CACNA1D: variants seen among roughly 807,000 people sequenced by gnomAD.
The protein encoded by CACNA1D is voltage-dependent L-type calcium channel subunit alpha-1D.
In CACNA1D, 55 loss-of-function variants were observed where a neutral mutation model predicts 257.1. The observed-to-expected ratio is 0.21, with a 90% CI of 0.17 to 0.27. The LOEUF (loss-of-function observed/expected upper bound fraction) is 0.27. Among genes scored for constraint, CACNA1D ranks in the 10% least tolerant of loss-of-function variants. The pLI, the probability that CACNA1D is intolerant of heterozygous loss-of-function variation, is 1.00. For synonymous variants in CACNA1D, 980 were observed against 1,014.9 expected (o/e 0.97, Z 0.65); for missense variants, 1,876 against 2,784.0 (o/e 0.67, Z 7.34).
Position 53,774,273 on chromosome 3 carries a change from C to T in CACNA1D, c.4111-314C>T, listed in dbSNP as rs529546140. ...GCCTTCAGTAGATGAGCCTGTCTCA[C>T]GCTTCCCTGTGTGTCTGGACCACCC... On this transcript the variant is annotated intron_variant, in intron 33 of 47. Coordinates refer to ENST00000350061, the MANE Select transcript of CACNA1D (RefSeq NM_001128840.3). The surrounding 1 kb of genome is among the most constrained non-coding windows in gnomAD (Gnocchi z 4.3). 2.3e-4 allele frequency: 83 copies of T among 366,482 alleles called. 1 individual carries two copies. Among genetic ancestry groups the T allele is most frequent in the South Asian group, 1.5e-3 (58 of 38,366 alleles). 22.7% of individuals were successfully genotyped at this position (366,482 alleles called of 1,614,324 possible).
chr3:53,788,230 G>A (rs2095466107), intron 40 of CACNA1D, among the ~76,000 whole-genome samples: 1 of 152,180 alleles, frequency 6.6e-6, no homozygotes, highest in Non-Finnish European at 1.5e-5. Flanking sequence ...GATTCATGGT[G>A]CAACCTCTGC....
intron 3 of CACNA1D, among the ~76,000 whole-genome samples, chr3:53,524,588 G>A (rs1056040642): frequency 6.6e-6 from 1 of 152,236 alleles, no homozygotes; most frequent in African/African-American, 2.4e-5. Flanking sequence ...AGATGATGGA[G>A]CAGGGATGTG....
intron 3 of CACNA1D, among the ~76,000 whole-genome samples, chr3:53,639,846 C>G (rs1428057100): frequency 6.8e-6 from 1 of 146,826 alleles, no homozygotes; most frequent in Non-Finnish European, 1.5e-5. Context: ...TTGAAATGTT[C>G]ACTCATTTCT....
intron 3 of CACNA1D, among the ~76,000 whole-genome samples, chr3:53,559,380 C>T (rs780897272): frequency 1.1e-4 from 16 of 152,002 alleles, no homozygotes; most frequent in Admixed American, 5.2e-4. Flanking sequence ...TCCAGTTTTT[C>T]GTATGTTGAG....
chr3:53,811,362 G>A lies in CACNA1D; in HGVS notation c.6442G>A (p.Glu2148Lys). Residue 2148 changes from glutamate (E) to lysine (K), a missense_variant, in exon 48 of 48, where the codon GAG becomes AAG. Around this residue, in one of 10 missense-constraint regions of CACNA1D, gnomAD observed 491 missense variants for 554.3 expected, o/e 0.89. Transcript: ENST00000350061. The surrounding 1 kb of genome is among the most constrained non-coding windows in gnomAD (Gnocchi z 4.2). Reference sequence around the variant, plus strand: ...CGAAGAGCCAGACCCTGGGAGGGATGAGGAGGACCTGGCGGATGAAATGAT... The same window carrying A: ...CGAAGAGCCAGACCCTGGGAGGGATAAGGAGGACCTGGCGGATGAAATGAT... ...SDEEPDPGRD[E>K]EDLADEMICI... 6.3e-7 allele frequency: 1 copy of A among 1,592,336 alleles called. No homozygotes were observed. Among genetic ancestry groups the A allele is most frequent in the Non-Finnish European group, 8.6e-7 (1 of 1,166,116 alleles).
At position 53,560,081 on chromosome 3, in the gene CACNA1D, T is replaced by A. The variant is rs569506195; in HGVS notation, c.483+58361T>A. Among the ~76,000 whole-genome samples, 74 of 110,640 alleles carry A rather than the reference T, an allele frequency of 6.7e-4. 2 individuals are homozygous for A. In the East Asian group the frequency reaches 0.014, roughly 21 times the overall value. The allele number at this position is 110,640 out of a possible 152,430, so 72.6% of individuals were successfully genotyped here. ...AGTTCCTTTTTTTTTTTTTTTTTTTTCCTTTGTTGGCCAGAAAATGAGGGT... is the reference window on the plus strand; with the variant it reads ...AGTTCCTTTTTTTTTTTTTTTTTTTACCTTTGTTGGCCAGAAAATGAGGGT... On this transcript the variant is annotated intron_variant, in intron 3 of 47. Coordinates refer to ENST00000350061, the MANE Select transcript of CACNA1D (RefSeq NM_001128840.3).
chr3:53,516,446 G>A (rs767214945), intron 3 of CACNA1D, among the ~76,000 whole-genome samples: 1 of 152,342 alleles, frequency 6.6e-6, no homozygotes, highest in South Asian at 2.1e-4. Flanking sequence ...TCCTCAGCAA[G>A]GGGCTAGTTT....
At chr3:53,690,596 G>A (rs942030130) in intron 8 of CACNA1D, among the ~76,000 whole-genome samples, 51 of 152,156 alleles carry the variant, frequency 3.4e-4, no homozygotes, top group African/African-American at 1.0e-3. Flanking sequence ...CTCCCCCTGC[G>A]GGGGGATCTT....
At chr3:53,701,422 G>A (rs769259090) in intron 8 of CACNA1D, among the ~76,000 whole-genome samples, 10 of 152,184 alleles carry the variant, frequency 6.6e-5, no homozygotes, top group South Asian at 2.1e-4. Flanking sequence ...GTGAGCCACC[G>A]TGCCTGGCTG....
intron 3 of CACNA1D, among the ~76,000 whole-genome samples, chr3:53,574,199 C>T (rs1254745933): frequency 6.6e-6 from 1 of 152,222 alleles, no homozygotes; most frequent in East Asian, 1.9e-4. Context: ...TCTCCCCTTC[C>T]TTCTGCCGTG....
chr3:53,691,875 C>CATAT (rs1253857806), intron 8 of CACNA1D, among the ~76,000 whole-genome samples: 711 of 51,826 alleles, frequency 0.014, 9 homozygotes, highest in Non-Finnish European at 0.024. Flanking sequence ...ATATATATTA[C>CATAT]ATATAATATA....
intron 28 of CACNA1D, among the ~76,000 whole-genome samples, chr3:53,753,022 A>C (rs1223400380): frequency 6.6e-6 from 1 of 152,154 alleles, no homozygotes; most frequent in Non-Finnish European, 1.5e-5. Context: ...GACTTTAAGA[A>C]CTCCAGCACA....
At chr3:53,543,801 C>A (rs1187722039) in intron 3 of CACNA1D, among the ~76,000 whole-genome samples, 1 of 152,140 alleles carries the variant, frequency 6.6e-6, no homozygotes, top group Non-Finnish European at 1.5e-5. Context: ...ATGGTAGATT[C>A]ATACCCAGAT....
At chr3:53,625,873 A>G (rs567031186) in intron 3 of CACNA1D, among the ~76,000 whole-genome samples, 35 of 152,184 alleles carry the variant, frequency 2.3e-4, no homozygotes, top group Non-Finnish European at 4.3e-4. Context: ...AGGGTATTCA[A>G]TGCAGAAAGG....
At chr3:53,638,190 G>A (rs1213044424) in intron 3 of CACNA1D, among the ~76,000 whole-genome samples, 1 of 152,162 alleles carries the variant, frequency 6.6e-6, no homozygotes, top group Non-Finnish European at 1.5e-5. Context: ...TGGGCCTGGG[G>A]ATCTGGGCCC....
At chr3:53,553,967 C>T (rs373908363) in intron 3 of CACNA1D, among the ~76,000 whole-genome samples, 12 of 151,488 alleles carry the variant, frequency 7.9e-5, no homozygotes, top group Non-Finnish European at 5.9e-5. Flanking sequence ...GAGGCCAAGG[C>T]GGGCAGATCA....
At chr3:53,748,293 T>C (rs536945051) in intron 26 of CACNA1D, among the ~76,000 whole-genome samples, 1 of 152,298 alleles carries the variant, frequency 6.6e-6, no homozygotes, top group East Asian at 1.9e-4. Flanking sequence ...CCGGTCCCCA[T>C]GCATAGATGA....
intron 3 of CACNA1D, among the ~76,000 whole-genome samples, chr3:53,545,362 G>A (rs924427171): frequency 1.4e-4 from 21 of 152,204 alleles, no homozygotes; most frequent in African/African-American, 5.1e-4. Flanking sequence ...CCCTCACAAG[G>A]CCATGGAGCT....
At chr3:53,809,772 C>T in intron 46 of CACNA1D, 2 of 603,350 alleles carry the variant, frequency 3.3e-6, no homozygotes, top group Non-Finnish European at 3.0e-6. Context: ...ATTATGGATT[C>T]GGGGTAAAAG....
Sources: gnomAD v4.1 joint callset for allele counts (sites outside exome capture counted in the v4.1 genomes callset) on GRCh38, gnomAD v4.1.1 for gene constraint, gnomAD v4.1.1 regional missense constraint, Gnocchi (gnomAD v3.1) non-coding constraint, MANE v1.5 for transcripts, NCBI Gene and HGNC (gene_info 2026-07-23, HGNC 2026-07-21) for gene names.